The following GRAMD1B variants were observed in gnomAD, a reference collection of about 807,000 sequenced individuals.
The protein encoded by GRAMD1B is GRAM domain containing 1B.
Under a neutral mutation model 99.7 loss-of-function variants are expected in GRAMD1B, and 37 were observed. The observed-to-expected ratio is 0.37, with a 90% CI of 0.29 to 0.49. The LOEUF is 0.49. Among genes scored for constraint, GRAMD1B ranks in the 20% least tolerant of loss-of-function variants. The pLI is 0.98. For missense variants in GRAMD1B, 888 were observed against 1,009.2 expected, an observed-to-expected ratio of 0.88 and a Z score of 1.63; for synonymous variants, 427 against 387.6, an observed-to-expected ratio of 1.10 and a Z score of -1.19.
intron 1 of GRAMD1B, among the ~76,000 whole-genome samples, chr11:123,383,415 A>G (rs1476276073): frequency 6.6e-6 from 1 of 152,214 alleles, no homozygotes; most frequent in Non-Finnish European, 1.5e-5. Flanking sequence ...TGCAAGTTCC[A>G]GTTTCCTCAT....
Position 123,567,227 on chromosome 11 carries a change from G to A in GRAMD1B, c.453-10140G>A, listed in dbSNP as rs117053481. On this transcript the variant is annotated intron_variant, in intron 2 of 19. Transcript: ENST00000635736. ...GTCCAGGGAGGCTAGAATAAAATGA[G>A]GGAGGAAATGGTGCAAGAGAAGTTG... 9.9e-3 allele frequency among the ~76,000 whole-genome samples: 1,509 copies of A among 152,284 alleles called. 13 individuals carry two copies. The highest frequency in any genetic ancestry group is 0.017 in the Non-Finnish European group (1,173 of 68,006).
intron 1 of GRAMD1B, among the ~76,000 whole-genome samples, chr11:123,388,129 C>CAAAAAA (rs34085785): frequency 2.7e-4 from 19 of 71,466 alleles, no homozygotes; most frequent in South Asian, 1.2e-3. Context: ...TCCTCCTCCT[C>CAAAAAA]AAAAAAAAAA....
At chr11:123,529,445 GAT>G (rs1415035740) in intron 2 of GRAMD1B, among the ~76,000 whole-genome samples, 2 of 152,226 alleles carry the variant, frequency 1.3e-5, no homozygotes, top group Non-Finnish European at 2.9e-5. Flanking sequence ...TGGACTTTGA[GAT>G]AGAAATCTCC....
intron 2 of GRAMD1B, among the ~76,000 whole-genome samples, chr11:123,562,610 A>T (rs1044571212): frequency 1.3e-5 from 2 of 152,162 alleles, no homozygotes; most frequent in Admixed American, 1.3e-4. Context: ...TTAAAAATGC[A>T]AACACTATTC....
intron 2 of GRAMD1B, among the ~76,000 whole-genome samples, chr11:123,521,195 C>T (rs953613033): frequency 2.0e-5 from 3 of 152,146 alleles, no homozygotes; most frequent in Admixed American, 2.0e-4. Flanking sequence ...CCCACTAGCT[C>T]CTTTCCAACA....
intron 2 of GRAMD1B, among the ~76,000 whole-genome samples, chr11:123,506,631 A>G (rs1940460196): frequency 6.6e-6 from 1 of 152,212 alleles, no homozygotes; most frequent in Non-Finnish European, 1.5e-5. Context: ...AAGCAAATAC[A>G]TACAATAGAG....
intron 2 of GRAMD1B, among the ~76,000 whole-genome samples, chr11:123,570,946 C>T (rs1478763298): frequency 6.6e-6 from 1 of 152,184 alleles, no homozygotes. Context: ...ACGAAGTCAA[C>T]ACTTCATTGC....
chr11:123,597,899 G>A (rs1156559470), intron 7 of GRAMD1B: 2 of 888,368 alleles, frequency 2.3e-6, no homozygotes, highest in African/African-American at 3.3e-5. Flanking sequence ...GCAGATCTCA[G>A]GGAAGCCTGG....
chr11:123,511,039 A>T (rs1052339756), intron 2 of GRAMD1B, among the ~76,000 whole-genome samples: 5 of 150,596 alleles, frequency 3.3e-5, no homozygotes, highest in Admixed American at 6.6e-5. Flanking sequence ...GTTTCTCTTT[A>T]TCCTGTCCCT....
intron 2 of GRAMD1B, among the ~76,000 whole-genome samples, chr11:123,565,729 A>G (rs1294805989): frequency 6.6e-6 from 1 of 152,170 alleles, no homozygotes; most frequent in African/African-American, 2.4e-5. Flanking sequence ...CAGTGGGAGG[A>G]TGGATTACAT....
At chr11:123,496,120 C>T (rs557246871) in intron 2 of GRAMD1B, among the ~76,000 whole-genome samples, 5 of 152,132 alleles carry the variant, frequency 3.3e-5, no homozygotes, top group Non-Finnish European at 5.9e-5. Context: ...GAACTCCCTT[C>T]AGCATTTCTT....
At chr11:123,438,161 A>G (rs1949248480) in intron 1 of GRAMD1B, among the ~76,000 whole-genome samples, 1 of 152,204 alleles carries the variant, frequency 6.6e-6, no homozygotes, top group Non-Finnish European at 1.5e-5. Flanking sequence ...AAGCAGCCTT[A>G]AATACATTAT....
intron 2 of GRAMD1B, among the ~76,000 whole-genome samples, chr11:123,498,294 C>G (rs1403904614): frequency 1.3e-5 from 2 of 152,172 alleles, no homozygotes; most frequent in Non-Finnish European, 2.9e-5. Flanking sequence ...CTGCTTTTCT[C>G]AAACTGAAGG....
intron 2 of GRAMD1B, among the ~76,000 whole-genome samples, chr11:123,506,210 T>A (rs1019629724): frequency 1.3e-5 from 2 of 152,148 alleles, no homozygotes; most frequent in Non-Finnish European, 2.9e-5. Flanking sequence ...TGAAACAGCC[T>A]CACTCAGTTT....
intron 1 of GRAMD1B, among the ~76,000 whole-genome samples, chr11:123,453,811 T>C (rs1418791664): frequency 1.3e-5 from 2 of 152,204 alleles, no homozygotes; most frequent in African/African-American, 4.8e-5. Context: ...TGTTTTATTA[T>C]AGGGGAGGAC....
At chr11:123,432,811 C>T (rs973813873) in intron 1 of GRAMD1B, among the ~76,000 whole-genome samples, 2 of 151,962 alleles carry the variant, frequency 1.3e-5, no homozygotes, top group African/African-American at 4.8e-5. Flanking sequence ...TGTGTCTTTG[C>T]GGGGTGGGGA....
intron 1 of GRAMD1B, among the ~76,000 whole-genome samples, chr11:123,381,127 C>G (rs1481140334): frequency 6.6e-6 from 1 of 152,118 alleles, no homozygotes; most frequent in East Asian, 1.9e-4. Flanking sequence ...CTCCCTCACT[C>G]CTCCGCCAAC....
At chr11:123,604,542 G>A (rs182488671) in intron 9 of GRAMD1B, among the ~76,000 whole-genome samples, 27 of 152,300 alleles carry the variant, frequency 1.8e-4, no homozygotes, top group African/African-American at 5.8e-4. Flanking sequence ...CTTGGTGGTC[G>A]TGCAAGAGGC....
At chr11:123,397,989 C>T (rs764103337) in intron 1 of GRAMD1B, among the ~76,000 whole-genome samples, 5 of 152,072 alleles carry the variant, frequency 3.3e-5, no homozygotes, top group East Asian at 3.8e-4. Flanking sequence ...CACCTGTAGA[C>T]GGACTTTTGG....
Sources: gnomAD v4.1 joint callset for allele counts (sites outside exome capture counted in the v4.1 genomes callset) on GRCh38, gnomAD v4.1.1 for gene constraint, MANE v1.5 for transcripts, NCBI Gene and HGNC (gene_info 2026-07-23, HGNC 2026-07-21) for gene names.